The following TENM2 variants were observed in gnomAD, a reference collection of about 807,000 sequenced individuals.
TENM2 encodes teneurin-2.
Under a neutral mutation model 245.2 loss-of-function variants are expected in TENM2, and 52 were observed. The ratio of observed to expected loss-of-function variants is 0.21; its 90% CI spans 0.17 to 0.27. TENM2 has a LOEUF of 0.27. TENM2 is among the 10% of genes least tolerant of loss of function. The probability of loss-of-function intolerance (pLI) is 1.00; values close to 1 mark genes in which losing one functional copy is unlikely to be tolerated. For synonymous variants in TENM2, 1,363 were observed against 1,438.9 expected (o/e 0.95, Z 1.19); for missense variants, 3,046 against 3,666.8 (o/e 0.83, Z 4.37).
At chr5:167,997,300 T>C (rs768633396) in intron 5 of TENM2, among the ~76,000 whole-genome samples, 3 of 152,196 alleles carry the variant, frequency 2.0e-5, no homozygotes, top group Non-Finnish European at 4.4e-5. Context: ...TCACATACTG[T>C]ATGAAACTGA....
At chr5:167,375,602 C>G in intron 2 of TENM2, 129 bp downstream of exon 4, 1 of 966,112 alleles carries the variant, frequency 1.0e-6, no homozygotes, top group Non-Finnish European at 1.5e-6. Context: ...CCTTGTCTAC[C>G]CAGTGTGAGC....
intron 13 of TENM2, among the ~76,000 whole-genome samples, chr5:168,163,904 T>G (rs1757975781): frequency 6.6e-6 from 1 of 152,166 alleles, no homozygotes; most frequent in South Asian, 2.1e-4. Flanking sequence ...TGGGTCCTGG[T>G]GCCGGGGGTG....
chr5:167,622,902 C>T (rs756486015), intron 2 of TENM2, among the ~76,000 whole-genome samples: 1 of 152,188 alleles, frequency 6.6e-6, no homozygotes, highest in South Asian at 2.1e-4. Context: ...CTTGTCAAAG[C>T]TGCATTGTGT....
At chr5:167,948,109 A>G (rs932124399) in intron 3 of TENM2, among the ~76,000 whole-genome samples, 1 of 152,194 alleles carries the variant, frequency 6.6e-6, no homozygotes, top group African/African-American at 2.4e-5. Context: ...CTTCCTTTAT[A>G]TGTTGTTTAA....
the TENM2 span, among the ~76,000 whole-genome samples, chr5:167,269,592 A>G: frequency 1.3e-5 from 2 of 152,010 alleles, no homozygotes; most frequent in African/African-American, 4.8e-5. Flanking sequence ...AGTGCATTGT[A>G]CTGTCAGTCC....
chr5:167,017,605 C>T, the TENM2 span, among the ~76,000 whole-genome samples: 1 of 152,176 alleles, frequency 6.6e-6, no homozygotes, highest in Admixed American at 6.5e-5. Context: ...TGAGTTTATA[C>T]ACTGGTAGCA....
At chr5:167,107,649 TG>T in the TENM2 span, among the ~76,000 whole-genome samples, 2,015 of 152,278 alleles carry the variant, frequency 0.013, 46 homozygotes, top group African/African-American at 0.046. Context: ...GTGTCTGGTT[TG>T]GGGCTAAGGT....
the TENM2 span, among the ~76,000 whole-genome samples, chr5:167,029,337 C>G: frequency 1.3e-5 from 2 of 152,150 alleles, no homozygotes; most frequent in Non-Finnish European, 2.9e-5. Flanking sequence ...ATACCATTTT[C>G]TTCATCAAAT....
At chr5:168,264,073 C>T (rs1182687040), downstream of TENM2, 1 of 152,360 alleles carries the variant, frequency 6.6e-6, no homozygotes, top group African/African-American at 2.4e-5. Context: ...TGCTGCTAAG[C>T]AAAGACTAGG....
chr5:166,987,857 T>G, the TENM2 span, among the ~76,000 whole-genome samples: 1 of 152,010 alleles, frequency 6.6e-6, no homozygotes, highest in Non-Finnish European at 1.5e-5. Context: ...GGAGAGAAAA[T>G]TTTCAAGCAT....
chr5:167,168,647 G>C, the TENM2 span, among the ~76,000 whole-genome samples: 1 of 152,212 alleles, frequency 6.6e-6, no homozygotes, highest in Non-Finnish European at 1.5e-5. Context: ...CTGATGGAAG[G>C]AACTTTGCTT....
intron 2 of TENM2, among the ~76,000 whole-genome samples, chr5:167,500,730 C>G (rs1769158879): frequency 6.6e-6 from 1 of 152,002 alleles, no homozygotes; most frequent in Non-Finnish European, 1.5e-5. Flanking sequence ...CAGGAACGTT[C>G]TGGAAGAAAA....
chr5:168,228,009 C>A, exon 25 of TENM2: 4 of 1,613,824 alleles, frequency 2.5e-6, no homozygotes, highest in African/African-American at 1.3e-5. Context: ...GGCACCATCA[C>A]CCCCACCATT....
chr5:168,216,138 G>A (rs1037449808), intron 21 of TENM2, among the ~76,000 whole-genome samples: 1 of 152,132 alleles, frequency 6.6e-6, no homozygotes, highest in Non-Finnish European at 1.5e-5. Flanking sequence ...GATTAAGGAG[G>A]CAAAGCCTTG....
At chr5:167,227,287 G>T in the TENM2 span, among the ~76,000 whole-genome samples, 1 of 151,884 alleles carries the variant, frequency 6.6e-6, no homozygotes, top group Non-Finnish European at 1.5e-5. Context: ...ATAGTAGTTT[G>T]GTGGATTTTT....
chr5:167,623,747 G>A (rs1460419995), intron 2 of TENM2, among the ~76,000 whole-genome samples: 1 of 152,196 alleles, frequency 6.6e-6, no homozygotes, highest in Non-Finnish European at 1.5e-5. Context: ...TACTAGTGGA[G>A]ATGCTGATTG....
intron 2 of TENM2, among the ~76,000 whole-genome samples, chr5:167,404,114 A>G (rs1300270142): frequency 6.6e-6 from 1 of 151,960 alleles, no homozygotes; most frequent in East Asian, 1.9e-4. Context: ...TATATTTTAA[A>G]CCAATTTAAC....
the TENM2 span, among the ~76,000 whole-genome samples, chr5:167,276,235 A>C: frequency 0.11 from 17,182 of 151,818 alleles, 1,143 homozygotes; most frequent in East Asian, 0.18. Context: ...AGCTTCATAA[A>C]ATAATTGGAA....
the TENM2 span, among the ~76,000 whole-genome samples, chr5:167,077,936 C>T: frequency 2.6e-5 from 4 of 151,494 alleles, no homozygotes; most frequent in Non-Finnish European, 4.4e-5. Context: ...CCAGGAGAAG[C>T]GAATAGAAAG....
Sources: gnomAD v4.1 joint callset for allele counts (sites outside exome capture counted in the v4.1 genomes callset) on GRCh38, gnomAD v4.1.1 for gene constraint, MANE v1.5 for transcripts, NCBI Gene and HGNC (gene_info 2026-07-23, HGNC 2026-07-21) for gene names.